The following DCAF1 variants were observed in gnomAD, a reference collection of about 807,000 sequenced individuals.
DCAF1 encodes the protein DDB1- and CUL4-associated factor 1.
Under a neutral mutation model 128.0 loss-of-function variants are expected in DCAF1, and 15 were observed. The ratio of observed to expected loss-of-function variants is 0.12; its 90% CI spans 0.08 to 0.18. DCAF1 has a LOEUF of 0.18. Ranked by LOEUF, DCAF1 falls within the 10% of genes least tolerant of loss-of-function variation. DCAF1 has a pLI of 1.00. For synonymous variants in DCAF1, 610 were observed against 603.0 expected, an observed-to-expected ratio of 1.01 and a Z score of -0.17; for missense variants, 988 against 1,649.5, an observed-to-expected ratio of 0.60 and a Z score of 6.95.
At chr3:51,475,918 T>C (rs1705385482) in intron 3 of DCAF1, among the ~76,000 whole-genome samples, 1 of 152,104 alleles carries the variant, frequency 6.6e-6, no homozygotes, top group South Asian at 2.1e-4. Context: ...ATCTGAGCTC[T>C]TCCACAGTGT....
intron 2 of DCAF1, among the ~76,000 whole-genome samples, chr3:51,492,918 C>G (rs533415144): frequency 6.6e-6 from 1 of 151,910 alleles, no homozygotes; most frequent in South Asian, 2.1e-4. Flanking sequence ...GGCGTGAACC[C>G]GGGAGGTGGA....
chr3:51,414,194 G>T (rs1698678804), intron 19 of DCAF1, among the ~76,000 whole-genome samples, 151 bp from the exon 20 acceptor site: 1 of 152,186 alleles, frequency 6.6e-6, no homozygotes, highest in South Asian at 2.1e-4. Flanking sequence ...CATGTAGAAT[G>T]CATATTATTG....
chr3:51,463,056 C>CA, intron 6 of DCAF1, 58 bp downstream of exon 6: 1 of 1,185,546 alleles, frequency 8.4e-7, no homozygotes, highest in South Asian at 1.7e-5. Context: ...AAAGACAAAT[C>CA]AAATACATCA....
At chr3:51,416,972 C>A in intron 17 of DCAF1, 101 bp from the exon 18 acceptor site, 1 of 1,512,402 alleles carries the variant, frequency 6.6e-7, no homozygotes, top group Non-Finnish European at 8.9e-7. Context: ...CACAATCACA[C>A]TCACCTAAAG....
At chr3:51,409,070 C>T (rs1048879712) in intron 23 of DCAF1, among the ~76,000 whole-genome samples, 6 of 152,170 alleles carry the variant, frequency 3.9e-5, no homozygotes, top group Non-Finnish European at 7.4e-5. Context: ...CAGCCTCTTG[C>T]TTTCCTTCCT....
At chr3:51,442,022 AC>A in intron 7 of DCAF1, 125 bp from the exon 8 acceptor site, 1 of 1,278,668 alleles carries the variant, frequency 7.8e-7, no homozygotes, top group African/African-American at 1.5e-5. Flanking sequence ...TGTAATAGCA[AC>A]AATTTGATAA....
At chr3:51,497,249 C>A (rs548509669) in intron 1 of DCAF1, among the ~76,000 whole-genome samples, 1 of 151,498 alleles carries the variant, frequency 6.6e-6, no homozygotes, top group Non-Finnish European at 1.5e-5. Flanking sequence ...GGGCAAAGAT[C>A]GCACCACTGC....
At chr3:51,458,319 G>A (rs1212250589) in intron 6 of DCAF1, among the ~76,000 whole-genome samples, 1 of 152,104 alleles carries the variant, frequency 6.6e-6, no homozygotes, top group Non-Finnish European at 1.5e-5. Flanking sequence ...GACAAAAAAG[G>A]CCATTACATA....
intron 9 of DCAF1, among the ~76,000 whole-genome samples, chr3:51,433,794 G>A (rs1403362224): frequency 1.3e-5 from 2 of 149,782 alleles, no homozygotes; most frequent in Non-Finnish European, 3.0e-5. Context: ...AGATATTGCT[G>A]TAAGGGCTGG....
intron 13 of DCAF1, among the ~76,000 whole-genome samples, chr3:51,424,369 C>T (rs1553633487): frequency 6.6e-6 from 1 of 150,524 alleles, no homozygotes; most frequent in African/African-American, 2.5e-5. Flanking sequence ...CACTACTGCA[C>T]TCCAGCCTGG....
At chr3:51,423,504 CAAA>C (rs1328087664) in intron 13 of DCAF1, among the ~76,000 whole-genome samples, 1 of 111,388 alleles carries the variant, frequency 9.0e-6, no homozygotes. Flanking sequence ...TCTGTCTCCA[CAAA>C]AAAAAAAAAA....
At position 51,409,368 on chromosome 3, in the gene DCAF1, G is replaced by A. The variant is rs557507211; in HGVS notation, c.4212+3011C>T. On this transcript the variant is annotated intron_variant, in intron 23 of 24. Coordinates refer to ENST00000684031, the MANE Select transcript of DCAF1 (RefSeq NM_001387579.1). ...AGAGAATAGCCTTCCAACTCCCAAG[G>A]TGTCTAGGGCAATCTCAACTTTCCT... Among the ~76,000 whole-genome samples the A allele has an allele frequency of 4.6e-5, 7 of 152,116 alleles. No homozygotes were observed. In the South Asian group the frequency reaches 1.5e-3, roughly 32 times the overall value.
intron 11 of DCAF1, 94 bp from the exon 12 acceptor site, chr3:51,429,564 T>A (rs1700192137): frequency 2.9e-6 from 2 of 694,440 alleles, no homozygotes; most frequent in East Asian, 2.7e-5. Flanking sequence ...TTAGTAAACT[T>A]TTTTTACTTT....
chr3:51,449,692 G>T (rs1451483118), intron 6 of DCAF1, among the ~76,000 whole-genome samples: 1 of 151,888 alleles, frequency 6.6e-6, no homozygotes, highest in Non-Finnish European at 1.5e-5. Flanking sequence ...GAAAAATACA[G>T]AAAGTCAATG....
At chr3:51,444,510 C>A (rs1701656586) in intron 6 of DCAF1, among the ~76,000 whole-genome samples, 2 of 152,118 alleles carry the variant, frequency 1.3e-5, no homozygotes, top group Non-Finnish European at 2.9e-5. Flanking sequence ...GCCACCACAG[C>A]CAGCTAATTT....
At chr3:51,466,030 C>A (rs369311024) in intron 5 of DCAF1, among the ~76,000 whole-genome samples, 132 of 152,070 alleles carry the variant, frequency 8.7e-4, no homozygotes, top group Admixed American at 1.1e-3. Flanking sequence ...GAAAGCCCAT[C>A]TCTACTAAAC....
At chr3:51,473,490 CA>C (rs113483060) in intron 3 of DCAF1, among the ~76,000 whole-genome samples, 4 of 22,832 alleles carry the variant, frequency 1.8e-4, no homozygotes, top group Non-Finnish European at 3.6e-4. Context: ...GACTCCATCT[CA>C]AAAAAAAAAA....
intron 23 of DCAF1, among the ~76,000 whole-genome samples, chr3:51,409,999 T>C (rs1318484522): frequency 4.6e-5 from 7 of 152,174 alleles, no homozygotes; most frequent in African/African-American, 1.7e-4. Context: ...TCTACCCATA[T>C]CTCATAACTC....
At chr3:51,472,795 G>T (rs1038341817) in intron 3 of DCAF1, among the ~76,000 whole-genome samples, 2 of 151,632 alleles carry the variant, frequency 1.3e-5, no homozygotes, top group Non-Finnish European at 2.9e-5. Flanking sequence ...CTCTTGAGTA[G>T]CTGGAATTAC....
Sources: allele counts gnomAD v4.1 joint callset (sites outside exome capture counted in the v4.1 genomes callset), GRCh38; gene constraint gnomAD v4.1.1; transcripts MANE v1.5; gene names NCBI Gene and HGNC (gene_info 2026-07-23, HGNC 2026-07-21).